CKAP5: variants seen among roughly 807,000 people sequenced by gnomAD.
CKAP5 encodes cytoskeleton-associated protein 5.
Under a neutral mutation model 232.8 loss-of-function variants are expected in CKAP5, and 27 were observed. The ratio of observed to expected loss-of-function variants is 0.12; its 90% confidence interval spans 0.09 to 0.16. The LOEUF is 0.16. Ranked by LOEUF, CKAP5 falls within the 10% of genes least tolerant of loss-of-function variation. The pLI is 1.00. For synonymous variants in CKAP5, 785 were observed against 841.1 expected, an observed-to-expected ratio of 0.93 and a Z score of 1.16; for missense variants, 1,838 against 2,424.7, an observed-to-expected ratio of 0.76 and a Z score of 5.08.
At chr11:46,753,243 T>C in intron 37 of CKAP5, 67 bp downstream of exon 37, 1 of 1,310,982 alleles carries the variant, frequency 7.6e-7, no homozygotes, top group Non-Finnish European at 1.1e-6. Context: ...TTACGGACAT[T>C]ATGGTTTCTA....
intron 1 of CKAP5, among the ~76,000 whole-genome samples, chr11:46,834,639 T>C (rs1282188648): frequency 6.6e-6 from 1 of 152,068 alleles, no homozygotes; most frequent in Non-Finnish European, 1.5e-5. Context: ...AGCAATCTAT[T>C]CCTTTTCATC....
At chr11:46,781,224 G>GA (rs1271072241) in intron 18 of CKAP5, among the ~76,000 whole-genome samples, 1 of 152,092 alleles carries the variant, frequency 6.6e-6, no homozygotes, top group Non-Finnish European at 1.5e-5. Flanking sequence ...TTGACTTTTT[G>GA]AAGTTATCCC....
intron 13 of CKAP5, among the ~76,000 whole-genome samples, chr11:46,791,361 CATCTCA>C (rs1938716731): frequency 3.2e-5 from 4 of 124,820 alleles, no homozygotes; most frequent in Non-Finnish European, 7.3e-5. Context: ...GCGAGCCTCC[CATCTCA>C]AGCAGCCCTC....
At chr11:46,795,021 G>A (rs1210326496) in intron 13 of CKAP5, among the ~76,000 whole-genome samples, 1 of 151,874 alleles carries the variant, frequency 6.6e-6, no homozygotes. Context: ...TAATATTAAT[G>A]AACTGCACAT....
chr11:46,838,722 A>G (rs1285622583), intron 1 of CKAP5, among the ~76,000 whole-genome samples: 1 of 122,580 alleles, frequency 8.2e-6, no homozygotes, highest in Non-Finnish European at 1.6e-5. Context: ...TGAGCCCGGG[A>G]GGTGAAGGTT....
chr11:46,768,984 A>G (rs971399606), intron 26 of CKAP5, among the ~76,000 whole-genome samples: 3 of 152,016 alleles, frequency 2.0e-5, no homozygotes, highest in Non-Finnish European at 4.4e-5. Flanking sequence ...CACTGGCGTG[A>G]TCTTGGCTTA....
chr11:46,744,789 C>A (rs554633678), intron 42 of CKAP5, among the ~76,000 whole-genome samples: 1 of 152,178 alleles, frequency 6.6e-6, no homozygotes, highest in East Asian at 1.9e-4. Context: ...TATAGAAAGG[C>A]AGAATGTAAA....
At chr11:46,806,912 TC>T (rs565457729) in intron 8 of CKAP5, among the ~76,000 whole-genome samples, 119 of 152,342 alleles carry the variant, frequency 7.8e-4, no homozygotes, top group African/African-American at 2.8e-3. Flanking sequence ...TAAACAAGTG[TC>T]TTTTTCATGG....
chr11:46,814,319 G>A (rs997416919), intron 4 of CKAP5, among the ~76,000 whole-genome samples: 1 of 152,000 alleles, frequency 6.6e-6, no homozygotes, highest in Non-Finnish European at 1.5e-5. Flanking sequence ...ATTGTAATAG[G>A]CTAGAAACAA....
Position 46,753,236 on chromosome 11 carries a change from C to A in CKAP5, c.5057+74G>T, listed in dbSNP as rs564974043. 3.2e-6 allele frequency: 4 copies of A among 1,234,628 alleles called. No individual in the cohort carries two copies. In the African/African-American group the frequency reaches 6.2e-5, roughly 19 times the overall value. 76.5% of individuals were successfully genotyped at this position (1,234,628 alleles called of 1,614,324 possible). On this transcript the variant is annotated intron_variant, in intron 37 of 43. Coordinates refer to ENST00000529230, the MANE Select transcript of CKAP5 (RefSeq NM_001008938.4). ...TTAGGTTGCCTAGGAAGTTGACTTA[C>A]GGACATTATGGTTTCTAAGTGTAAA... is the stretch of plus-strand genomic sequence containing the variant.
At chr11:46,805,221 C>T (rs1464278951) in intron 8 of CKAP5, among the ~76,000 whole-genome samples, 6 of 151,474 alleles carry the variant, frequency 4.0e-5, no homozygotes, top group African/African-American at 1.2e-4. Flanking sequence ...GGTGACAAAG[C>T]GCAACTCTGT....
At chr11:46,787,873 T>A (rs1400641646) in intron 16 of CKAP5, among the ~76,000 whole-genome samples, 2 of 152,182 alleles carry the variant, frequency 1.3e-5, no homozygotes, top group Non-Finnish European at 2.9e-5. Flanking sequence ...CCTCTGCCAC[T>A]CCTGAAACAG....
intron 1 of CKAP5, among the ~76,000 whole-genome samples, chr11:46,824,377 T>C (rs1426274523): frequency 6.6e-6 from 1 of 152,222 alleles, no homozygotes; most frequent in Admixed American, 6.5e-5. Flanking sequence ...GAAAACAGTA[T>C]GGCATTATCA....
In CKAP5 at chr11:46,780,233, C is replaced by T. The variant is rs1204645669; in HGVS notation, c.2394G>A (p.Lys798=). Reference sequence around the variant, plus strand: ...CATCTATCTGGGATAGGAGGGCAGGCTTCTCATCCTCAAAGAACATTCGCA... The same window carrying T: ...CATCTATCTGGGATAGGAGGGCAGGTTTCTCATCCTCAAAGAACATTCGCA... The part of the protein sequence containing the change: ...PSLRMFFEDE[K]PALLSQIDAE... The change falls in exon 20 of 44, where the codon AAG becomes AAA. Residue 798 remains lysine, a synonymous_variant. Transcript: ENST00000529230. 55 of 1,614,056 alleles carry T rather than the reference C, an allele frequency of 3.4e-5. No homozygotes were observed. The highest frequency in any genetic ancestry group is 4.7e-5 in the Non-Finnish European group (55 of 1,179,942).
chr11:46,803,342 C>T (rs1939078505), intron 8 of CKAP5, among the ~76,000 whole-genome samples: 1 of 151,790 alleles, frequency 6.6e-6, no homozygotes, highest in African/African-American at 2.4e-5. Flanking sequence ...GATCTCAGCT[C>T]ACCGCAACCT....
rs1177438795 is a variant in CKAP5, at chr11:46,759,435, G to C, written c.4402C>G (p.Arg1468Gly). 1 of 1,612,468 alleles carries C rather than the reference G, an allele frequency of 6.2e-7. No homozygotes were observed. The highest frequency in any genetic ancestry group is 8.5e-7 in the Non-Finnish European group (1 of 1,179,566). Residue 1468 changes from arginine to glycine, a missense_variant, in exon 34 of 44, where the codon CGA (arginine) becomes GGA (glycine). This residue lies in a region of CKAP5 where 579 missense variants were observed against 843.2 expected (regional missense o/e 0.69). Transcript: ENST00000529230. ...EDMSSKLNQARSMSGHPEAAQ... is the reference protein window; with the variant it reads ...EDMSSKLNQAGSMSGHPEAAQ... Reference sequence around the variant, plus strand: ...GCCTCAGGATGCCCACTCATGCTTCGGGCTTGGCTAAGGGAAGCAAAAGGA... The same window carrying C: ...GCCTCAGGATGCCCACTCATGCTTCCGGCTTGGCTAAGGGAAGCAAAAGGA...
rs1309463293 is a variant in CKAP5, at chr11:46,784,526, T to C, written c.2116A>G (p.Ile706Val). The C allele has an allele frequency of 3.7e-6, 6 of 1,614,186 alleles. No individual in the cohort carries two copies. The highest frequency in any genetic ancestry group is 1.6e-4 in the Middle Eastern group (1 of 6,062). The change falls in exon 17 of 44, where the codon ATA (isoleucine) becomes GTA (valine). Residue 706 changes from isoleucine (I) to valine (V), a missense_variant. By Grantham distance (29) the Ile-to-Val change is conservative. Transcript: ENST00000529230. ...GNNAKEAMTAIAEACMLPWTA... is the reference protein window; with the variant it reads ...GNNAKEAMTAVAEACMLPWTA... ...CATGGTAACATACAGGCTTCGGCTA[T>C]TGCTGTCATAGCTTCTTTTGCATTG...
At chr11:46,841,935 T>A (rs1055613001) in intron 1 of CKAP5, among the ~76,000 whole-genome samples, 1 of 147,624 alleles carries the variant, frequency 6.8e-6, no homozygotes, top group Non-Finnish European at 1.5e-5. Context: ...GAGGCAGAGG[T>A]TGCAGTGAGC....
At chr11:46,765,388 A>G in intron 27 of CKAP5, 132 bp from the exon 28 acceptor site, 1 of 787,142 alleles carries the variant, frequency 1.3e-6, no homozygotes, top group East Asian at 2.9e-5. Context: ...TGAAAAAAAC[A>G]TGCATCACAG....
Sources: gnomAD v4.1 joint callset for allele counts (sites outside exome capture counted in the v4.1 genomes callset) on GRCh38, gnomAD v4.1.1 for gene constraint, gnomAD v4.1.1 regional missense constraint, MANE v1.5 for transcripts, NCBI Gene and HGNC (gene_info 2026-07-23, HGNC 2026-07-21) for gene names.